Variants in RANBP2 observed in about 807,000 individuals in gnomAD.
The protein encoded by RANBP2 is E3 SUMO-protein ligase RanBP2.
A neutral mutation model predicts 303.6 loss-of-function variants in RANBP2; 57 were observed. That is an observed-to-expected ratio of 0.19 (90% CI 0.15 to 0.23). The LOEUF is 0.23. Ranked by LOEUF, RANBP2 falls within the 10% of genes least tolerant of loss-of-function variation. The pLI is 1.00. For missense variants in RANBP2, 3,138 were observed against 3,780.8 expected (o/e 0.83, Z 4.46); for synonymous variants, 1,167 against 1,301.5 (o/e 0.90, Z 2.23).
At chr2:109,595,271 G>A in the RANBP2 span, among the ~76,000 whole-genome samples, 2 of 152,224 alleles carry the variant, frequency 1.3e-5, no homozygotes, top group Non-Finnish European at 2.9e-5. Context: ...GCACGCAAAA[G>A]CTCAGTGAGG....
the RANBP2 span, among the ~76,000 whole-genome samples, chr2:109,455,244 C>CATG: frequency 6.6e-6 from 1 of 152,136 alleles, no homozygotes; most frequent in Non-Finnish European, 1.5e-5. Flanking sequence ...GGCAGGAGAC[C>CATG]ATGAGGCTGG....
the RANBP2 span, among the ~76,000 whole-genome samples, chr2:109,104,168 A>G: frequency 6.6e-6 from 1 of 152,176 alleles, no homozygotes; most frequent in East Asian, 1.9e-4. Flanking sequence ...TCAAAGAAAT[A>G]TATTTGGGGG....
At chr2:108,783,003 G>A (rs1678361861) in intron 28 of RANBP2, 141 bp downstream of exon 28, 1 of 764,190 alleles carries the variant, frequency 1.3e-6, no homozygotes, top group African/African-American at 1.7e-5. Flanking sequence ...GAATCACATG[G>A]CATCACTACC....
the RANBP2 span, among the ~76,000 whole-genome samples, chr2:108,857,468 G>A: frequency 6.6e-6 from 1 of 152,124 alleles, no homozygotes; most frequent in Admixed American, 6.5e-5. Context: ...GGATTCCCCA[G>A]CTAAACACAA....
At chr2:109,416,211 G>A in the RANBP2 span, among the ~76,000 whole-genome samples, 16 of 152,172 alleles carry the variant, frequency 1.1e-4, no homozygotes, top group East Asian at 2.7e-3. Flanking sequence ...CATGCCTTTC[G>A]AAGCCCTCCC....
chr2:108,957,691 C>T, the RANBP2 span, among the ~76,000 whole-genome samples: 6 of 152,352 alleles, frequency 3.9e-5, no homozygotes, highest in Non-Finnish European at 8.8e-5. Context: ...AAACCCCATC[C>T]TTCACCGGGC....
chr2:109,513,816 G>C, the RANBP2 span, among the ~76,000 whole-genome samples: 1 of 152,218 alleles, frequency 6.6e-6, no homozygotes, highest in African/African-American at 2.4e-5. Flanking sequence ...TAGGGGATTG[G>C]GTATCACCAG....
chr2:109,125,411 G>T, the RANBP2 span, among the ~76,000 whole-genome samples: 2 of 152,202 alleles, frequency 1.3e-5, no homozygotes, highest in Non-Finnish European at 2.9e-5. Context: ...GTCCAGTCCT[G>T]TTTCCTCTGA....
chr2:109,259,257 A>T, the RANBP2 span, among the ~76,000 whole-genome samples: 1 of 152,194 alleles, frequency 6.6e-6, no homozygotes, highest in Admixed American at 6.5e-5. Flanking sequence ...GAGCACCCAG[A>T]CCTGCAGCTG....
At chr2:109,737,940 T>C in the RANBP2 span, among the ~76,000 whole-genome samples, 1 of 152,240 alleles carries the variant, frequency 6.6e-6, no homozygotes, top group Non-Finnish European at 1.5e-5. Context: ...TGTTGTGTTT[T>C]ATTTGCTGTT....
the RANBP2 span, among the ~76,000 whole-genome samples, chr2:109,198,039 G>C: frequency 2.0e-5 from 3 of 152,176 alleles, no homozygotes; most frequent in African/African-American, 7.2e-5. Flanking sequence ...CAGCAGAGTT[G>C]TGGCTAAGCC....
the RANBP2 span, chr2:109,490,963 TG>T: frequency 3.5e-6 from 5 of 1,427,586 alleles, no homozygotes; most frequent in Non-Finnish European, 4.6e-6. Context: ...GTCTGCTCTG[TG>T]GCATGCTGTG....
the RANBP2 span, among the ~76,000 whole-genome samples, chr2:109,488,712 G>A: frequency 3.3e-5 from 5 of 152,270 alleles, no homozygotes; most frequent in South Asian, 2.1e-4. Context: ...AACTAGACTC[G>A]GGAAACACCA....
At chr2:109,371,337 C>T in the RANBP2 span, among the ~76,000 whole-genome samples, 4 of 152,198 alleles carry the variant, frequency 2.6e-5, no homozygotes, top group East Asian at 3.8e-4. Context: ...CTGCAGTGAG[C>T]GGAGATTGCG....
intron 6 of RANBP2, among the ~76,000 whole-genome samples, chr2:108,737,445 T>C (rs1339374697): frequency 6.6e-6 from 1 of 151,266 alleles, no homozygotes. Context: ...TTCAGGCGAT[T>C]CTCCTGCCTC....
chr2:109,059,571 G>A, the RANBP2 span, among the ~76,000 whole-genome samples: 26 of 149,334 alleles, frequency 1.7e-4, no homozygotes, highest in African/African-American at 4.0e-4. Flanking sequence ...GCAAGGCTCC[G>A]TCTCAAAAAA....
the RANBP2 span, among the ~76,000 whole-genome samples, chr2:109,459,765 C>T: frequency 5.3e-5 from 8 of 152,318 alleles, no homozygotes; most frequent in African/African-American, 1.7e-4. Context: ...ATTCCTCCCC[C>T]TGGAACCAAG....
chr2:109,082,903 G>A, the RANBP2 span, among the ~76,000 whole-genome samples: 6 of 146,734 alleles, frequency 4.1e-5, 1 homozygote, highest in Admixed American at 4.2e-4. Context: ...TCAGCTCACT[G>A]CAAGCTCCGC....
chr2:109,724,060 CA>C, the RANBP2 span, among the ~76,000 whole-genome samples: 1 of 152,118 alleles, frequency 6.6e-6, no homozygotes, highest in South Asian at 2.1e-4. Flanking sequence ...TCAGGTTTGT[CA>C]AAGATCAGAT....
Sources: allele counts gnomAD v4.1 joint callset (sites outside exome capture counted in the v4.1 genomes callset), GRCh38; gene constraint gnomAD v4.1.1; transcripts MANE v1.5; gene names NCBI Gene and HGNC (gene_info 2026-07-23, HGNC 2026-07-21).